Variants in CCNY observed in about 807,000 individuals in gnomAD.
CCNY encodes cyclin Y.
In CCNY, 19 loss-of-function variants were observed where a neutral mutation model predicts 42.8. The observed-to-expected ratio is 0.44, with a 90% confidence interval of 0.31 to 0.65. The LOEUF (loss-of-function observed/expected upper bound fraction) is 0.65. Ranked by LOEUF, CCNY falls within the 30% of genes least tolerant of loss-of-function variation. The probability of loss-of-function intolerance (pLI) is 0.07; values close to 1 mark genes in which losing one functional copy is unlikely to be tolerated. For synonymous variants in CCNY, 165 were observed against 162.7 expected, an observed-to-expected ratio of 1.01 and a Z score of -0.11; for missense variants, 370 against 437.3, an observed-to-expected ratio of 0.85 and a Z score of 1.37.
chr10:35,425,230 C>A (rs917184746), intron 1 of CCNY, among the ~76,000 whole-genome samples: 1 of 152,338 alleles, frequency 6.6e-6, no homozygotes, highest in Non-Finnish European at 1.5e-5. Flanking sequence ...GATAATAGTT[C>A]ATTTGACTTA....
At chr10:35,322,150 T>A (rs529426394) in intron 3 of CCNY, among the ~76,000 whole-genome samples, 1 of 152,216 alleles carries the variant, frequency 6.6e-6, no homozygotes, top group African/African-American at 2.4e-5. Context: ...GGTCAGGAGA[T>A]CAAGACCATA....
chr10:35,420,011 C>G (rs1424103077), intron 1 of CCNY, among the ~76,000 whole-genome samples: 4 of 143,886 alleles, frequency 2.8e-5, no homozygotes, highest in African/African-American at 1.0e-4. Context: ...AGTTTTTTCT[C>G]TACATGAAAA....
At chr10:35,425,544 A>C (rs957463144) in intron 1 of CCNY, among the ~76,000 whole-genome samples, 1 of 152,234 alleles carries the variant, frequency 6.6e-6, no homozygotes, top group Non-Finnish European at 1.5e-5. Context: ...TATATGGCTT[A>C]AAATGAATTT....
At chr10:35,500,338 C>A (rs1412100523) in intron 2 of CCNY, among the ~76,000 whole-genome samples, 2 of 152,234 alleles carry the variant, frequency 1.3e-5, no homozygotes, top group Non-Finnish European at 2.9e-5. Context: ...AGGCAGCATT[C>A]ATTCCAGAGA....
At chr10:35,345,219 C>T (rs376038035) in intron 1 of CCNY, among the ~76,000 whole-genome samples, 1,545 of 152,316 alleles carry the variant, frequency 0.01, 30 homozygotes, top group African/African-American at 0.035. Flanking sequence ...TATTTCTCCA[C>T]ATCCTCTCCA....
In CCNY at chr10:35,286,654, C is replaced by CA. The variant is rs1565064587; in HGVS notation, c.-9+36028_-9+36029insA. ...TACAGGCGTGAGCCACCGTGCCCAG[C>CA]CTTTTTTTTTTTTTTTTTTTTGAGA... On this transcript the variant is annotated intron_variant, in intron 3 of 11. Transcript: ENST00000374706. Among the ~76,000 whole-genome samples the CA allele has an allele frequency of 1.2e-4, 16 of 138,686 alleles. 1 individual carries two copies. Among genetic ancestry groups the CA allele is most frequent in the African/African-American group, 4.4e-4 (16 of 36,418 alleles). The allele number at this position is 138,686 out of a possible 152,430, so 91.0% of individuals were successfully genotyped here. A position where few individuals can be genotyped will look rare whatever the true frequency, so the allele number is the denominator to read the frequency against.
chr10:35,506,632 T>C (rs1479621077), intron 3 of CCNY, among the ~76,000 whole-genome samples: 1 of 152,178 alleles, frequency 6.6e-6, no homozygotes, highest in Non-Finnish European at 1.5e-5. Flanking sequence ...TAAAGTGTAA[T>C]GGTCCATTCA....
At chr10:35,372,820 C>T (rs2135177537) in intron 1 of CCNY, among the ~76,000 whole-genome samples, 1 of 152,346 alleles carries the variant, frequency 6.6e-6, no homozygotes, top group Middle Eastern at 3.4e-3. Context: ...CTGCCTCAGC[C>T]TCCCGAGCAG....
chr10:35,467,188 T>C lies in CCNY; in HGVS notation c.155-16216T>C, dbSNP rs369177649. Among the ~76,000 whole-genome samples the C allele has an allele frequency of 2.0e-5, 3 of 152,366 alleles. No homozygotes were observed. In the East Asian group the frequency reaches 5.8e-4, roughly 29 times the overall value. ...AGAATGTATTTCTATACATTATAGA[T>C]GTATTTTGGCTTTTTATAATCTATA... On this transcript the variant is annotated intron_variant, in intron 1 of 9. Transcript: ENST00000374704.
chr10:35,265,383 A>G (rs1484290858), intron 3 of CCNY, among the ~76,000 whole-genome samples: 2 of 152,222 alleles, frequency 1.3e-5, no homozygotes, highest in Admixed American at 1.3e-4. Flanking sequence ...TTTTAACTTG[A>G]CAAATAATGA....
intron 1 of CCNY, among the ~76,000 whole-genome samples, chr10:35,440,188 T>TAA (rs1838635168): frequency 6.6e-6 from 1 of 152,158 alleles, no homozygotes; most frequent in Admixed American, 6.5e-5. Context: ...GGCTCCTTTC[T>TAA]GTTCTTTGGA....
At chr10:35,296,031 TG>T (rs1835466263) in intron 3 of CCNY, among the ~76,000 whole-genome samples, 2 of 152,160 alleles carry the variant, frequency 1.3e-5, no homozygotes, top group Admixed American at 6.6e-5. Context: ...AAGGCAGTGT[TG>T]AGGGAAGTTT....
At chr10:35,527,143 G>A (rs1840669058) in intron 5 of CCNY, among the ~76,000 whole-genome samples, 1 of 152,118 alleles carries the variant, frequency 6.6e-6, no homozygotes, top group African/African-American at 2.4e-5. Context: ...TGTGATTCAT[G>A]GTTCTTTATG....
At chr10:35,418,160 C>T (rs1022712701) in intron 1 of CCNY, among the ~76,000 whole-genome samples, 3 of 152,210 alleles carry the variant, frequency 2.0e-5, no homozygotes, top group East Asian at 3.9e-4. Context: ...CCTAAATGCT[C>T]TCTTTTATAT....
intron 1 of CCNY, among the ~76,000 whole-genome samples, chr10:35,400,284 T>C (rs1033725990): frequency 1.2e-4 from 1 of 8,226 alleles, no homozygotes; most frequent in South Asian, 3.8e-3. Flanking sequence ...GCGGCGGGGG[T>C]GGTGGGGTGG....
At chr10:35,450,670 G>A (rs1183160721) in intron 1 of CCNY, among the ~76,000 whole-genome samples, 1 of 152,108 alleles carries the variant, frequency 6.6e-6, no homozygotes, top group East Asian at 1.9e-4. Context: ...GGCACTTGGG[G>A]AGGCCAGTAT....
At chr10:35,464,880 A>G (rs1232971295) in intron 1 of CCNY, among the ~76,000 whole-genome samples, 1 of 152,184 alleles carries the variant, frequency 6.6e-6, no homozygotes. Context: ...TTGTCATTTC[A>G]TATGCTTTTC....
At chr10:35,331,576 C>T (rs114897774), upstream of CCNY, among the ~76,000 whole-genome samples, 56 of 152,306 alleles carry the variant, frequency 3.7e-4, no homozygotes, top group African/African-American at 1.3e-3. Flanking sequence ...CCCTCCCTCA[C>T]TCGTTCCCTC....
chr10:35,528,981 A>G (rs1454745418), intron 5 of CCNY, among the ~76,000 whole-genome samples: 1 of 152,164 alleles, frequency 6.6e-6, no homozygotes, highest in Non-Finnish European at 1.5e-5. Context: ...GTTTAAAGAA[A>G]ATTTTTTAGG....
Sources: gnomAD v4.1 joint callset for allele counts (sites outside exome capture counted in the v4.1 genomes callset) on GRCh38, gnomAD v4.1.1 for gene constraint, MANE v1.5 for transcripts, NCBI Gene and HGNC (gene_info 2026-07-23, HGNC 2026-07-21) for gene names.